ZDBF2: variants seen among roughly 807,000 people sequenced by gnomAD.
ZDBF2 encodes zinc finger DBF-type containing 2.
In ZDBF2, 6 loss-of-function variants were observed where a neutral mutation model predicts 9.4. That is an observed-to-expected ratio of 0.64 (90% CI 0.35 to 1.27). The LOEUF (loss-of-function observed/expected upper bound fraction) is 1.27. Among genes scored for constraint, ZDBF2 ranks in the 50% most tolerant of loss-of-function variants. ZDBF2 has a pLI of 0.03. For synonymous variants in ZDBF2, 905 were observed against 946.3 expected, an observed-to-expected ratio of 0.96 and a Z score of 0.80; for missense variants, 2,697 against 2,766.8, an observed-to-expected ratio of 0.97 and a Z score of 0.57.
Position 206,308,317 on chromosome 2 carries a change from G to T in ZDBF2, c.3789G>T (p.Glu1263Asp). ...VAGQPEEVVK[E>D]VSLWKEHVDL... The stretch of plus-strand genomic sequence containing the variant: ...GCCAACCTGAAGAAGTAGTTAAGGA[G>T]GTCAGTCTTTGGAAAGAGCATGTTG... Residue 1263 changes from glutamate to aspartate, a missense_variant, in exon 5 of 5, where the codon GAG becomes GAT. Coordinates refer to ENST00000374423, the MANE Select transcript of ZDBF2 (RefSeq NM_020923.3). The T allele has an allele frequency of 6.2e-7, 1 of 1,613,776 alleles. No individual in the cohort carries two copies. The highest frequency in any genetic ancestry group is 8.5e-7 in the Non-Finnish European group (1 of 1,179,834).
chr2:206,277,166 G>A (rs2105890010), intron 1 of ZDBF2, among the ~76,000 whole-genome samples: 1 of 152,068 alleles, frequency 6.6e-6, no homozygotes, highest in East Asian at 1.9e-4. Context: ...AGGATTGTGG[G>A]TTTTGTTAGT....
Position 206,307,596 on chromosome 2 carries a change from G to C in ZDBF2, c.3068G>C (p.Arg1023Thr). 1.2e-6 allele frequency: 2 copies of C among 1,612,388 alleles called. No individual in the cohort carries two copies. The highest frequency in any genetic ancestry group is 1.7e-6 in the Non-Finnish European group (2 of 1,179,418). ...CAAGTAGCTGTTAACAAAATAAACA[G>C]AAAGAAGCAATATGTTCTAGAAAAC... The part of the protein sequence containing the change: ...EPQVAVNKIN[R>T]KKQYVLENKN... Residue 1023 changes from arginine to threonine, a missense_variant, in exon 5 of 5, where the codon AGA (arginine) becomes ACA (threonine). Coordinates refer to ENST00000374423, the MANE Select transcript of ZDBF2 (RefSeq NM_020923.3).
In ZDBF2 at chr2:206,305,999, A is replaced by G. The variant is rs1692769676; in HGVS notation, c.1471A>G (p.Ser491Gly). Residue 491 changes from serine to glycine, a missense_variant, in exon 5 of 5, where the codon AGT becomes GGT. By Grantham distance (56) the Ser-to-Gly change is moderately conservative. Transcript: ENST00000374423. ...GGTTGACCAAAGCTATGAATCTAGT[A>G]GTTCTGAAACGAATTTTGATTGTGA... ...SLVDQSYESS[S>G]SETNFDCDAS... 1.2e-6 allele frequency: 2 copies of G among 1,613,430 alleles called. No individual in the cohort carries two copies. Among genetic ancestry groups the G allele is most frequent in the Non-Finnish European group, 1.7e-6 (2 of 1,179,586 alleles).
At position 206,311,627 on chromosome 2, in the gene ZDBF2, C is replaced by T; in HGVS notation, c.*34C>T. 7.0e-7 allele frequency: 1 copy of T among 1,422,914 alleles called. No homozygotes were observed. 88.1% of individuals were successfully genotyped at this position (1,422,914 alleles called of 1,614,324 possible). ...TTTGTGTTCAGGCTAGTTGAGGATT[C>T]AGTACTTCAGTTGAAATATATTTGG... On this transcript the variant is annotated 3_prime_UTR_variant, in exon 5 of 5. Transcript: ENST00000374423.
intron 3 of ZDBF2, among the ~76,000 whole-genome samples, chr2:206,294,489 A>G (rs1692064775): frequency 6.6e-6 from 1 of 152,120 alleles, no homozygotes; most frequent in Admixed American, 6.5e-5. Flanking sequence ...TTATTTTTGT[A>G]ATTTCAGCTT....
chr2:206,306,369 A>G lies in ZDBF2; in HGVS notation c.1841A>G (p.His614Arg), dbSNP rs1692797488. Residue 614 changes from histidine to arginine, a missense_variant, in exon 5 of 5, where the codon CAT becomes CGT. Transcript: ENST00000374423. The part of the protein sequence containing the change: ...NLKGRQVHLK[H>R]KKRKPSSAKA... The stretch of plus-strand genomic sequence containing the variant: ...AAAGGTAGACAAGTCCACCTAAAAC[A>G]TAAGAAGCGTAAACCCAGTAGTGCT... The G allele has an allele frequency of 1.2e-6, 2 of 1,613,830 alleles. No homozygotes were observed. Among genetic ancestry groups the G allele is most frequent in the Non-Finnish European group, 1.7e-6 (2 of 1,179,810 alleles).
chr2:206,299,805 TA>T (rs1295629789), intron 4 of ZDBF2, among the ~76,000 whole-genome samples: 56 of 137,588 alleles, frequency 4.1e-4, no homozygotes, highest in East Asian at 2.6e-3. Context: ...TCTTGGCCTC[TA>T]AAAAAAAAAA....
rs1186191417 is a variant in ZDBF2 at position 206,311,417 on chromosome 2, G to A, written c.6889G>A (p.Ala2297Thr). The A allele has an allele frequency of 9.3e-6, 15 of 1,609,636 alleles. No individual in the cohort carries two copies. Among genetic ancestry groups the A allele is most frequent in the Non-Finnish European group, 1.0e-5 (12 of 1,178,358 alleles). The stretch of plus-strand genomic sequence containing the variant: ...TCCTCCTCCAAAGCGACCTGTGCGG[G>A]CTTCTTGCCGCGTTGCAAGAAGGAG... The part of the protein sequence containing the change: ...ANPPPKRPVR[A>T]SCRVARRRKK... Residue 2297 changes from alanine to threonine, a missense_variant, in exon 5 of 5, where the codon GCT (alanine) becomes ACT (threonine). Physicochemically the swap from Ala to Thr is moderately conservative, Grantham distance 58 (BLOSUM62 0). This residue lies in a region of ZDBF2 where 1,783 missense variants were observed against 1,776.5 expected (regional missense o/e 1.00). Transcript: ENST00000374423.
intron 4 of ZDBF2, among the ~76,000 whole-genome samples, chr2:206,298,546 G>A (rs1284177524): frequency 2.6e-5 from 4 of 151,830 alleles, no homozygotes; most frequent in Non-Finnish European, 5.9e-5. Context: ...TTTTTGAGAC[G>A]GAGTCTTGCT....
rs567843569 is a variant in ZDBF2, at chr2:206,309,219, A to G, written c.4691A>G (p.Asn1564Ser). 6.2e-7 allele frequency: 1 copy of G among 1,606,948 alleles called. No homozygotes were observed. Among genetic ancestry groups the G allele is most frequent in the South Asian group, 1.1e-5 (1 of 90,014 alleles). The change falls in exon 5 of 5, where the codon AAT becomes AGT. Residue 1564 changes from asparagine to serine, a missense_variant. By Grantham distance (46) the Asn-to-Ser change is conservative. This residue lies in a region of ZDBF2 where 1,783 missense variants were observed against 1,776.5 expected (regional missense o/e 1.00). Coordinates refer to ENST00000374423, the MANE Select transcript of ZDBF2 (RefSeq NM_020923.3). ...ACTGTCAAAGATATCAGCTGTATAA[A>G]TACAGAATGTATTGATATAGAAGAT... ...QLTVKDISCI[N>S]TECIDIEDKS...
Position 206,305,370 on chromosome 2 carries a change from C to G in ZDBF2, c.842C>G (p.Thr281Ser), listed in dbSNP as rs1312803520. 8.7e-6 allele frequency: 14 copies of G among 1,612,804 alleles called. No individual in the cohort carries two copies. The highest frequency in any genetic ancestry group is 1.2e-5 in the Non-Finnish European group (14 of 1,179,420). The change falls in exon 5 of 5, where the codon ACT becomes AGT. Residue 281 changes from threonine (T) to serine (S), a missense_variant. Around this residue, in one of 3 missense-constraint regions of ZDBF2, gnomAD observed 910 missense variants for 973.6 expected, o/e 0.93. Coordinates refer to ENST00000374423, the MANE Select transcript of ZDBF2 (RefSeq NM_020923.3). ...LWKDVKSQGK[T>S]LSAGLKFHER... ...AAAGATGTAAAATCTCAGGGTAAAA[C>G]TTTATCAGCTGGCTTGAAATTCCAT...
chr2:206,278,022 G>A (rs1691116735), intron 1 of ZDBF2, among the ~76,000 whole-genome samples: 1 of 151,910 alleles, frequency 6.6e-6, no homozygotes, highest in Non-Finnish European at 1.5e-5. Flanking sequence ...ATTTTATAAT[G>A]GTATATGAAG....
At position 206,289,113 on chromosome 2, in the gene ZDBF2, G is replaced by A. The variant is rs560861692; in HGVS notation, c.60+7204G>A. On this transcript the variant is annotated intron_variant, in intron 3 of 4. Transcript: ENST00000374423. ...GGTGTCTAAGCGTAGCCACTGCTCT[G>A]TTTCCCTGGGACATGAGGTACTCAG... is the stretch of plus-strand genomic sequence containing the variant. Among the ~76,000 whole-genome samples, 29 of 152,244 alleles carry A rather than the reference G, an allele frequency of 1.9e-4. No individual in the cohort carries two copies. In the South Asian group the frequency reaches 5.8e-3, roughly 30 times the overall value.
rs754703701 is a variant in ZDBF2, at chr2:206,306,030, C to T, written c.1502C>T (p.Ser501Leu). 9 of 1,613,526 alleles carry T rather than the reference C, an allele frequency of 5.6e-6. No individual in the cohort carries two copies. Among genetic ancestry groups the T allele is most frequent in the South Asian group, 2.2e-5 (2 of 91,014 alleles). The change falls in exon 5 of 5, where the codon TCA becomes TTA. Residue 501 changes from serine to leucine, a missense_variant. By Grantham distance (145) the Ser-to-Leu change is moderately radical (BLOSUM62 -2). This residue lies in a region of ZDBF2 where 910 missense variants were observed against 973.6 expected (regional missense o/e 0.93). Transcript: ENST00000374423. ...SSETNFDCDASPQSTSDYPQQ... is the reference protein window; with the variant it reads ...SSETNFDCDALPQSTSDYPQQ... ...GAAACGAATTTTGATTGTGATGCTT[C>T]ACCTCAGTCCACTAGTGACTACCCC...
chr2:206,277,860 A>C (rs2105891782), intron 1 of ZDBF2, among the ~76,000 whole-genome samples: 1 of 152,298 alleles, frequency 6.6e-6, no homozygotes, highest in Middle Eastern at 3.4e-3. Flanking sequence ...GCATTTAAAA[A>C]ATTATCTTAC....
At chr2:206,275,220 G>A (rs908096973) in intron 1 of ZDBF2, among the ~76,000 whole-genome samples, 1 of 152,150 alleles carries the variant, frequency 6.6e-6, no homozygotes, top group Admixed American at 6.5e-5. Flanking sequence ...CCGGGGCCCT[G>A]GGTCAGAGGG....
At chr2:206,277,804 C>T (rs1389384184) in intron 1 of ZDBF2, among the ~76,000 whole-genome samples, 2 of 149,952 alleles carry the variant, frequency 1.3e-5, no homozygotes, top group African/African-American at 4.9e-5. Flanking sequence ...TGATCTTAAA[C>T]ATATATACAT....
In ZDBF2 at chr2:206,309,079, C is replaced by T. The variant is rs1559158231; in HGVS notation, c.4551C>T (p.Val1517=). The T allele has an allele frequency of 2.5e-6, 4 of 1,613,724 alleles. No individual in the cohort carries two copies. The highest frequency in any genetic ancestry group is 4.5e-5 in the East Asian group (2 of 44,884). The change falls in exon 5 of 5, where the codon GTC becomes GTT. Residue 1517 remains valine, a synonymous_variant. Transcript: ENST00000374423. ...TAGTTAACCAATTTCCAGGATCAGT[C>T]AAAGAAACCCACCTTCCAAAGGTGG... is the stretch of plus-strand genomic sequence containing the variant. ...QIVVNQFPGS[V]KETHLPKVVL...
rs762767842 is a variant in ZDBF2 at position 206,306,459 on chromosome 2, A to G, written c.1931A>G (p.Glu644Gly). Residue 644 changes from glutamate (E) to glycine (G), a missense_variant, in exon 5 of 5, where the codon GAA becomes GGA. Transcript: ENST00000374423. ...GCAGATGAATCCCAGAGGGCTGTTG[A>G]AAAGATAAATCTTCTGAAGGAGAAG... The part of the protein sequence containing the change: ...TVADESQRAV[E>G]KINLLKEKNA... 3 of 1,613,856 alleles carry G rather than the reference A, an allele frequency of 1.9e-6. No individual in the cohort carries two copies. The Admixed American group carries it at 5.0e-5, about 27-fold the overall frequency.
Sources: allele counts gnomAD v4.1 joint callset (sites outside exome capture counted in the v4.1 genomes callset), GRCh38; gene constraint gnomAD v4.1.1; regional missense constraint gnomAD v4.1.1; transcripts MANE v1.5; gene names NCBI Gene and HGNC (gene_info 2026-07-23, HGNC 2026-07-21).